CCDC158: variants seen among roughly 807,000 people sequenced by gnomAD.
The protein encoded by CCDC158 is coiled-coil domain-containing protein 158.
A neutral mutation model predicts 138.6 loss-of-function variants in CCDC158; 116 were observed. That is an observed-to-expected ratio of 0.84 (90% CI 0.72 to 0.98). CCDC158 has a LOEUF of 0.98. Among genes scored for constraint, CCDC158 ranks in the 50% least tolerant of loss-of-function variants. CCDC158 has a pLI of 0.00. For synonymous variants in CCDC158, 436 were observed against 442.4 expected (o/e 0.99, Z 0.18); for missense variants, 1,265 against 1,306.1 (o/e 0.97, Z 0.48).
chr4:76,347,476 A>G (rs1288285413), intron 18 of CCDC158, among the ~76,000 whole-genome samples: 2 of 152,126 alleles, frequency 1.3e-5, no homozygotes, highest in Admixed American at 6.5e-5. Context: ...CAAACACCGC[A>G]TGTTCTCACT....
intron 3 of CCDC158, among the ~76,000 whole-genome samples, chr4:76,397,836 A>G (rs534440278): frequency 4.2e-4 from 64 of 152,362 alleles, no homozygotes; most frequent in Non-Finnish European, 7.6e-4. Flanking sequence ...TATGCATGCC[A>G]GACCTTGATT....
rs1579092225 is a variant in CCDC158 at position 76,403,299 on chromosome 4, C to T, written c.-73-19G>A. On this transcript the variant is annotated intron_variant, in intron 2 of 24. Coordinates refer to ENST00000682701, the MANE Select transcript of CCDC158 (RefSeq NM_001394954.1). ...TTCCTGTCTATGAAAGACAGAGATT[C>T]AATCTTTATTAACAAGGTACTATGT... is the stretch of plus-strand genomic sequence containing the variant. 1 of 801,404 alleles carries T rather than the reference C, an allele frequency of 1.2e-6. No homozygotes were observed. The highest frequency in any genetic ancestry group is 2.8e-5 in the East Asian group (1 of 35,300). 49.6% of individuals were successfully genotyped at this position (801,404 alleles called of 1,614,324 possible).
chr4:76,339,332 T>C (rs1235557685), intron 18 of CCDC158, among the ~76,000 whole-genome samples: 2 of 152,150 alleles, frequency 1.3e-5, no homozygotes, highest in Non-Finnish European at 2.9e-5. Flanking sequence ...CATACATTTG[T>C]CATGAACTTT....
At chr4:76,409,582 A>T (rs1416374122) in intron 2 of CCDC158, among the ~76,000 whole-genome samples, 1 of 152,194 alleles carries the variant, frequency 6.6e-6, no homozygotes, top group Non-Finnish European at 1.5e-5. Context: ...CTGTAATCCC[A>T]GCACTGTGGG....
At chr4:76,384,506 T>G in intron 5 of CCDC158, 50 bp downstream of exon 5, 1 of 1,563,162 alleles carries the variant, frequency 6.4e-7, no homozygotes, top group South Asian at 1.2e-5. Flanking sequence ...TTTAAAATAA[T>G]TTCACATAAT....
chr4:76,386,287 TAGTG>T (rs1227406446), intron 4 of CCDC158, among the ~76,000 whole-genome samples: 3 of 99,678 alleles, frequency 3.0e-5, no homozygotes, highest in Non-Finnish European at 6.4e-5. Flanking sequence ...AAGTGAAAAA[TAGTG>T]AGGCAGGAAA....
chr4:76,382,867 C>T (rs1011036809), intron 7 of CCDC158, 147 bp from the exon 8 acceptor site: 5 of 564,348 alleles, frequency 8.9e-6, no homozygotes, highest in Non-Finnish European at 6.2e-6. Flanking sequence ...CAAGTGTCTA[C>T]AACAAGTCCA....
At chr4:76,371,617 T>G (rs1043497684) in intron 9 of CCDC158, 81 bp from the exon 10 acceptor site, 1 of 1,513,200 alleles carries the variant, frequency 6.6e-7, no homozygotes, top group Non-Finnish European at 9.0e-7. Context: ...GGAAAACAAA[T>G]GGTATTATTT....
chr4:76,366,879 AG>A (rs1372341339), intron 12 of CCDC158, among the ~76,000 whole-genome samples: 1 of 151,958 alleles, frequency 6.6e-6, no homozygotes, highest in East Asian at 1.9e-4. Flanking sequence ...GGTTGTTGGG[AG>A]TTTTTTGTTT....
chr4:76,324,751 C>G (rs76461982), intron 23 of CCDC158, among the ~76,000 whole-genome samples: 5,816 of 152,170 alleles, frequency 0.038, 502 homozygotes, highest in East Asian at 0.35. Flanking sequence ...TTTCCAGTTT[C>G]CTTGTACGGC....
intron 4 of CCDC158, among the ~76,000 whole-genome samples, chr4:76,395,785 A>G (rs1162645526): frequency 6.6e-6 from 1 of 152,196 alleles, no homozygotes; most frequent in African/African-American, 2.4e-5. Flanking sequence ...CCAAATATGC[A>G]ATTGTAAAGC....
chr4:76,380,359 G>C (rs7671036), intron 8 of CCDC158, among the ~76,000 whole-genome samples: 7 of 152,122 alleles, frequency 4.6e-5, no homozygotes, highest in Non-Finnish European at 8.8e-5. Flanking sequence ...ATGGAGATGA[G>C]GAACTTCTTG....
At chr4:76,396,631 C>A in intron 3 of CCDC158, 145 bp from the exon 4 acceptor site, 1 of 598,402 alleles carries the variant, frequency 1.7e-6, no homozygotes, top group African/African-American at 1.9e-5. Context: ...CTGCCTCAGC[C>A]TCCTGAGTAG....
intron 24 of CCDC158, among the ~76,000 whole-genome samples, chr4:76,316,551 A>C (rs1448831732): frequency 6.6e-6 from 1 of 152,172 alleles, no homozygotes; most frequent in Non-Finnish European, 1.5e-5. Context: ...GGAACAATTG[A>C]GGAAAATTTC....
At chr4:76,405,474 A>C (rs922755713) in intron 2 of CCDC158, among the ~76,000 whole-genome samples, 2 of 152,180 alleles carry the variant, frequency 1.3e-5, no homozygotes, top group Non-Finnish European at 2.9e-5. Context: ...TAGGTTCTAA[A>C]TTTTTAAAAG....
intron 15 of CCDC158, among the ~76,000 whole-genome samples, chr4:76,354,924 G>A (rs372651536): frequency 3.0e-4 from 45 of 151,884 alleles, no homozygotes; most frequent in African/African-American, 1.1e-3. Context: ...TTTTTATTAG[G>A]TTCCTATTAT....
At chr4:76,344,220 A>G (rs1179948597) in intron 18 of CCDC158, among the ~76,000 whole-genome samples, 2 of 152,218 alleles carry the variant, frequency 1.3e-5, no homozygotes, top group Non-Finnish European at 2.9e-5. Context: ...ATAGACAAGC[A>G]GAGAGCCAAA....
At chr4:76,414,765 G>A (rs1403935014) in intron 1 of CCDC158, among the ~76,000 whole-genome samples, 1 of 152,200 alleles carries the variant, frequency 6.6e-6, no homozygotes, top group Non-Finnish European at 1.5e-5. Context: ...AGTAAGAAGT[G>A]CCTTTTGCCT....
chr4:76,381,301 G>C (rs555647040), intron 8 of CCDC158, among the ~76,000 whole-genome samples: 1 of 152,232 alleles, frequency 6.6e-6, no homozygotes, highest in African/African-American at 2.4e-5. Flanking sequence ...AAGCAGCTGC[G>C]GAGGCTGTAC....
Sources: gnomAD v4.1 joint callset for allele counts (sites outside exome capture counted in the v4.1 genomes callset) on GRCh38, gnomAD v4.1.1 for gene constraint, MANE v1.5 for transcripts, NCBI Gene and HGNC (gene_info 2026-07-23, HGNC 2026-07-21) for gene names.